The following RIMS2 variants were observed in gnomAD, a reference collection of about 807,000 sequenced individuals.
The protein encoded by RIMS2 is regulating synaptic membrane exocytosis 2.
Under a neutral mutation model 174.4 loss-of-function variants are expected in RIMS2, and 59 were observed. That is an observed-to-expected ratio of 0.34 (90% CI 0.27 to 0.42). The LOEUF (loss-of-function observed/expected upper bound fraction) is 0.42, where lower values mean the gene tolerates loss of function less well. Ranked by LOEUF, RIMS2 falls within the 10% of genes least tolerant of loss-of-function variation. The probability of loss-of-function intolerance (pLI) is 1.00; values close to 1 mark genes in which losing one functional copy is unlikely to be tolerated. For synonymous variants in RIMS2, 606 were observed against 572.5 expected, an observed-to-expected ratio of 1.06 and a Z score of -0.84; for missense variants, 1,620 against 1,666.3, an observed-to-expected ratio of 0.97 and a Z score of 0.48.
intron 1 of RIMS2, among the ~76,000 whole-genome samples, chr8:103,657,242 T>G (rs2096542446): frequency 6.6e-6 from 1 of 152,166 alleles, no homozygotes; most frequent in Non-Finnish European, 1.5e-5. Flanking sequence ...CTCTTCCAAG[T>G]GGCAATTCAG....
At chr8:104,129,676 A>T (rs1305186250) in intron 19 of RIMS2, among the ~76,000 whole-genome samples, 1 of 152,194 alleles carries the variant, frequency 6.6e-6, no homozygotes, top group Non-Finnish European at 1.5e-5. Flanking sequence ...GGATTTCTTC[A>T]TTTCTTACTG....
chr8:103,709,894 G>T (rs1211150322), intron 2 of RIMS2, among the ~76,000 whole-genome samples: 1 of 152,032 alleles, frequency 6.6e-6, no homozygotes, highest in Non-Finnish European at 1.5e-5. Flanking sequence ...CACTTATCTT[G>T]TATTTTCCTT....
chr8:103,641,817 A>T (rs999846712), intron 1 of RIMS2, among the ~76,000 whole-genome samples: 2 of 152,064 alleles, frequency 1.3e-5, no homozygotes, highest in Admixed American at 6.6e-5. Flanking sequence ...TTCATCTTCC[A>T]CCATGAGTGG....
intron 4 of RIMS2, among the ~76,000 whole-genome samples, chr8:103,908,302 A>G (rs946201878): frequency 3.4e-4 from 51 of 152,182 alleles, no homozygotes; most frequent in African/African-American, 1.1e-3. Context: ...CAGCCTCCCA[A>G]AGTGTTGCGA....
intron 1 of RIMS2, among the ~76,000 whole-genome samples, chr8:103,687,888 CA>C (rs202112296): frequency 5.2e-5 from 3 of 57,668 alleles, no homozygotes; most frequent in Admixed American, 2.0e-4. Context: ...ATATATACCG[CA>C]TTTTTTTTTA....
intron 3 of RIMS2, among the ~76,000 whole-genome samples, chr8:103,822,720 C>A (rs540356866): frequency 6.6e-6 from 1 of 152,026 alleles, no homozygotes; most frequent in African/African-American, 2.4e-5. Context: ...CTGCATCCTG[C>A]ATAAACTCAC....
chr8:104,058,176 G>C (rs529529202), intron 19 of RIMS2, among the ~76,000 whole-genome samples: 1 of 150,278 alleles, frequency 6.7e-6, no homozygotes, highest in Admixed American at 6.6e-5. Context: ...CTAGTTTACA[G>C]TCCCACCAAC....
chr8:103,826,611 C>T (rs2098792439), intron 3 of RIMS2, among the ~76,000 whole-genome samples: 1 of 151,256 alleles, frequency 6.6e-6, no homozygotes, highest in Admixed American at 6.6e-5. Context: ...TGATGTCAGG[C>T]AGTGTAAATC....
At chr8:104,207,961 A>G (rs2099088289) in intron 19 of RIMS2, among the ~76,000 whole-genome samples, 1 of 151,986 alleles carries the variant, frequency 6.6e-6, no homozygotes, top group Admixed American at 6.6e-5. Context: ...TTAAGGCAGG[A>G]TCTTGCTATG....
intron 1 of RIMS2, among the ~76,000 whole-genome samples, chr8:103,609,254 T>G (rs919879882): frequency 2.0e-5 from 3 of 152,226 alleles, no homozygotes; most frequent in Non-Finnish European, 4.4e-5. Flanking sequence ...TGCTGAATAT[T>G]AGAGCTTCGT....
Position 103,719,114 on chromosome 8 carries a change from T to TA in RIMS2, c.387+21827dup, listed in dbSNP as rs11335589. 1.5e-3 allele frequency among the ~76,000 whole-genome samples: 226 copies of TA among 151,436 alleles called. 2 individuals carry two copies. Among genetic ancestry groups the TA allele is most frequent in the African/African-American group, 4.9e-3 (201 of 41,320 alleles). ...TGAGAGCTGCTGGGAGGTCATAAGT[T>TA]AAAAAAAAATGTAGCTGGCACAACC... On this transcript the variant is annotated intron_variant, in intron 2 of 23. Coordinates refer to ENST00000504942, the Ensembl canonical transcript of RIMS2.
chr8:104,187,399 C>T (rs548331924), intron 19 of RIMS2, among the ~76,000 whole-genome samples: 2 of 151,808 alleles, frequency 1.3e-5, no homozygotes, highest in East Asian at 1.9e-4. Flanking sequence ...ATGTGACAGG[C>T]AAGTAGTGTC....
intron 3 of RIMS2, among the ~76,000 whole-genome samples, chr8:103,834,332 C>CTTTTTTTTTTTT (rs397892077): frequency 8.4e-6 from 1 of 119,284 alleles, no homozygotes; most frequent in African/African-American, 3.2e-5. Context: ...TTTTCTTTTT[C>CTTTTTTTTTTTT]TTTTTTTTTT....
chr8:103,654,825 T>A (rs2096504839), intron 1 of RIMS2, among the ~76,000 whole-genome samples: 3 of 152,024 alleles, frequency 2.0e-5, no homozygotes, highest in Admixed American at 2.0e-4. Flanking sequence ...ATTTTAAGTT[T>A]TAAATGTTAA....
intron 3 of RIMS2, among the ~76,000 whole-genome samples, chr8:103,835,558 T>C (rs911065070): frequency 6.6e-6 from 1 of 152,210 alleles, no homozygotes; most frequent in African/African-American, 2.4e-5. Context: ...CAAATAGTTG[T>C]ATGTTCATAC....
intron 3 of RIMS2, among the ~76,000 whole-genome samples, chr8:103,834,720 CTTTCTTTCTTTCTTTCTTTCTT>C (rs1564829794): frequency 3.6e-4 from 45 of 125,004 alleles, no homozygotes; most frequent in Admixed American, 7.0e-4. Flanking sequence ...TTCTTTCTTT[CTTTCTTTCTTTCTTTCTTTCTT>C]TCTCTCTCTT....
At chr8:103,582,109 G>A (rs2093653990) in intron 1 of RIMS2, among the ~76,000 whole-genome samples, 3 of 152,128 alleles carry the variant, frequency 2.0e-5, no homozygotes, top group Non-Finnish European at 4.4e-5. Flanking sequence ...CAGCAGGATA[G>A]GGCACTAGTC....
chr8:103,566,032 A>T (rs1326944136), intron 1 of RIMS2, among the ~76,000 whole-genome samples: 1 of 152,168 alleles, frequency 6.6e-6, no homozygotes, highest in Non-Finnish European at 1.5e-5. Flanking sequence ...AGATTTCTTG[A>T]AATTGAGGTG....
chr8:104,071,884 G>A (rs1206035563), intron 19 of RIMS2, among the ~76,000 whole-genome samples: 1 of 152,180 alleles, frequency 6.6e-6, no homozygotes, highest in Non-Finnish European at 1.5e-5. Flanking sequence ...AGAAGCCAGA[G>A]GTGAATGATG....
Sources: gnomAD v4.1 joint callset for allele counts (sites outside exome capture counted in the v4.1 genomes callset) on GRCh38, gnomAD v4.1.1 for gene constraint, MANE v1.5 for transcripts, NCBI Gene and HGNC (gene_info 2026-07-23, HGNC 2026-07-21) for gene names.